The following MACROD2 variants were observed in gnomAD, a reference collection of about 807,000 sequenced individuals.
MACROD2 encodes the protein mono-ADP ribosylhydrolase 2, also known as ADP-ribose glycohydrolase MACROD2.
MACROD2 carries 36 observed loss-of-function variants against 70.4 expected under a neutral mutation model. The ratio of observed to expected loss-of-function variants is 0.51; its 90% confidence interval spans 0.39 to 0.68. The LOEUF is 0.68. Ranked by LOEUF, MACROD2 falls within the 30% of genes least tolerant of loss-of-function variation. MACROD2 has a pLI of 0.00. For synonymous variants in MACROD2, 172 were observed against 178.8 expected, an observed-to-expected ratio of 0.96 and a Z score of 0.30; for missense variants, 496 against 538.4, an observed-to-expected ratio of 0.92 and a Z score of 0.78.
chr20:14,519,104 C>T (rs939128484), intron 4 of MACROD2, among the ~76,000 whole-genome samples: 4 of 152,076 alleles, frequency 2.6e-5, no homozygotes, highest in Non-Finnish European at 5.9e-5. Context: ...GACTAAAGTA[C>T]TAAGTTAAAC....
At chr20:14,174,727 A>G (rs913986698) in intron 3 of MACROD2, among the ~76,000 whole-genome samples, 2 of 152,112 alleles carry the variant, frequency 1.3e-5, no homozygotes, top group Non-Finnish European at 2.9e-5. Context: ...AATTGTTACA[A>G]AGTTTAGCTG....
intron 8 of MACROD2, among the ~76,000 whole-genome samples, chr20:15,751,693 A>G (rs567270230): frequency 2.9e-4 from 44 of 151,994 alleles, no homozygotes; most frequent in Middle Eastern, 3.4e-3. Flanking sequence ...TGAAGGTCCT[A>G]CATAAGGCCC....
chr20:14,109,909 A>AT (rs1491435111), intron 3 of MACROD2, among the ~76,000 whole-genome samples: 1 of 151,888 alleles, frequency 6.6e-6, no homozygotes, highest in African/African-American at 2.4e-5. Flanking sequence ...TGAAAGACAC[A>AT]TAAAAAAAAC....
At chr20:14,706,720 A>G (rs930784975) in intron 5 of MACROD2, among the ~76,000 whole-genome samples, 4 of 151,970 alleles carry the variant, frequency 2.6e-5, no homozygotes, top group Non-Finnish European at 5.9e-5. Flanking sequence ...AATTGACTTT[A>G]TCACTGTCCC....
At chr20:14,681,628 G>T (rs900587445) in intron 4 of MACROD2, among the ~76,000 whole-genome samples, 6 of 152,106 alleles carry the variant, frequency 3.9e-5, no homozygotes, top group African/African-American at 1.2e-4. Flanking sequence ...TAGCTTTTTG[G>T]GTTCAGGGAA....
At chr20:15,235,434 A>C (rs2077005301) in intron 6 of MACROD2, among the ~76,000 whole-genome samples, 1 of 152,188 alleles carries the variant, frequency 6.6e-6, no homozygotes, top group Non-Finnish European at 1.5e-5. Flanking sequence ...GATCCCTCAG[A>C]GCTAACTGAT....
intron 4 of MACROD2, among the ~76,000 whole-genome samples, chr20:14,675,096 A>G (rs185648068): frequency 3.1e-4 from 47 of 152,272 alleles, no homozygotes; most frequent in African/African-American, 1.1e-3. Context: ...CCTGAAAGTG[A>G]TGGGGAGAAT....
At chr20:15,294,969 T>C (rs560421877) in intron 6 of MACROD2, among the ~76,000 whole-genome samples, 1 of 152,318 alleles carries the variant, frequency 6.6e-6, no homozygotes, top group Admixed American at 6.5e-5. Context: ...CTTTGTGATA[T>C]GGTTTGGCTG....
chr20:15,449,685 C>T (rs1441562060), intron 7 of MACROD2, among the ~76,000 whole-genome samples: 2 of 152,038 alleles, frequency 1.3e-5, no homozygotes, highest in Non-Finnish European at 2.9e-5. Flanking sequence ...TTCTAGTGAT[C>T]TAGTAACATT....
chr20:15,655,262 A>G (rs2049711588), intron 8 of MACROD2, among the ~76,000 whole-genome samples: 2 of 151,562 alleles, frequency 1.3e-5, no homozygotes, highest in South Asian at 4.2e-4. Context: ...GTGCATATAT[A>G]CCTTTTGAAA....
At chr20:14,170,261 T>G (rs980137824) in intron 3 of MACROD2, among the ~76,000 whole-genome samples, 3 of 152,208 alleles carry the variant, frequency 2.0e-5, no homozygotes, top group Non-Finnish European at 4.4e-5. Context: ...CTTTAGGGTT[T>G]TCTTGGTATA....
At chr20:15,180,791 A>G (rs1015831849) in intron 5 of MACROD2, among the ~76,000 whole-genome samples, 2 of 152,238 alleles carry the variant, frequency 1.3e-5, no homozygotes, top group African/African-American at 4.8e-5. Flanking sequence ...GCACATGGCC[A>G]GCATACAGTT....
chr20:15,366,066 A>G (rs2045404669), intron 6 of MACROD2, among the ~76,000 whole-genome samples: 1 of 152,206 alleles, frequency 6.6e-6, no homozygotes, highest in Non-Finnish European at 1.5e-5. Context: ...ACATGTAGCC[A>G]AAGGTGGAGG....
intron 6 of MACROD2, among the ~76,000 whole-genome samples, chr20:15,420,024 G>A (rs1362335605): frequency 4.6e-5 from 7 of 152,154 alleles, no homozygotes; most frequent in Non-Finnish European, 8.8e-5. Flanking sequence ...TCTAGAACAG[G>A]ATGCACATTC....
intron 5 of MACROD2, among the ~76,000 whole-genome samples, chr20:15,102,831 A>G (rs924339927): frequency 2.6e-5 from 4 of 152,062 alleles, no homozygotes; most frequent in African/African-American, 9.7e-5. Context: ...ATATCCCCAT[A>G]TAATAGACAG....
At chr20:14,969,179 A>ATATAT (rs2074667341) in intron 5 of MACROD2, among the ~76,000 whole-genome samples, 1 of 151,672 alleles carries the variant, frequency 6.6e-6, no homozygotes, top group African/African-American at 2.4e-5. Flanking sequence ...ATATATATAT[A>ATATAT]AATCTGTACA....
chr20:14,909,582 C>T (rs1024208738), intron 5 of MACROD2, among the ~76,000 whole-genome samples: 6 of 151,940 alleles, frequency 3.9e-5, no homozygotes, highest in Admixed American at 3.9e-4. Flanking sequence ...CCTATATAAG[C>T]CACCTGTATA....
intron 6 of MACROD2, among the ~76,000 whole-genome samples, chr20:15,319,728 A>C (rs778346989): frequency 6.6e-6 from 1 of 152,232 alleles, no homozygotes; most frequent in Non-Finnish European, 1.5e-5. Context: ...GTGGAAATGC[A>C]TGAATGGAGA....
At chr20:15,312,244 G>A (rs766379788) in intron 6 of MACROD2, among the ~76,000 whole-genome samples, 1 of 152,176 alleles carries the variant, frequency 6.6e-6, no homozygotes, top group Non-Finnish European at 1.5e-5. Flanking sequence ...TCACACTTTT[G>A]AGAAGATTGA....
Sources: gnomAD v4.1 joint callset for allele counts (sites outside exome capture counted in the v4.1 genomes callset) on GRCh38, gnomAD v4.1.1 for gene constraint, MANE v1.5 for transcripts, NCBI Gene and HGNC (gene_info 2026-07-23, HGNC 2026-07-21) for gene names.